The following INPP4B variants were observed in gnomAD, a reference collection of about 807,000 sequenced individuals.
The protein encoded by INPP4B is inositol polyphosphate 4-phosphatase type II.
Under a neutral mutation model 122.5 loss-of-function variants are expected in INPP4B, and 55 were observed. The observed-to-expected ratio is 0.45, with a 90% CI of 0.36 to 0.56. The LOEUF is 0.56. Among genes scored for constraint, INPP4B ranks in the 20% least tolerant of loss-of-function variants. The probability of loss-of-function intolerance (pLI) is 0.00; values close to 1 mark genes in which losing one functional copy is unlikely to be tolerated. For missense variants in INPP4B, 1,000 were observed against 1,097.7 expected, an observed-to-expected ratio of 0.91 and a Z score of 1.26; for synonymous variants, 403 against 388.7, an observed-to-expected ratio of 1.04 and a Z score of -0.43.
intron 7 of INPP4B, among the ~76,000 whole-genome samples, chr4:142,356,458 C>A (rs986970588): frequency 6.6e-6 from 1 of 151,474 alleles, no homozygotes; most frequent in South Asian, 2.1e-4. Context: ...GCTTTCCATC[C>A]AGAACTCAAG....
At chr4:142,465,035 A>G (rs1158972305) in intron 2 of INPP4B, among the ~76,000 whole-genome samples, 1 of 152,220 alleles carries the variant, frequency 6.6e-6, no homozygotes. Flanking sequence ...ACAAAGGCCA[A>G]CATAGTCTCA....
intron 9 of INPP4B, among the ~76,000 whole-genome samples, chr4:142,298,519 T>C (rs1759838676): frequency 6.6e-6 from 1 of 151,730 alleles, no homozygotes. Context: ...ACCCTGTCTC[T>C]ACTAAAAATA....
chr4:142,310,365 C>T (rs1292112960), intron 8 of INPP4B, among the ~76,000 whole-genome samples: 1 of 151,598 alleles, frequency 6.6e-6, no homozygotes, highest in Admixed American at 6.6e-5. Context: ...TTTGCATATA[C>T]TGGGTTAAAT....
At chr4:142,615,969 T>A (rs932237222) in intron 2 of INPP4B, among the ~76,000 whole-genome samples, 1 of 152,084 alleles carries the variant, frequency 6.6e-6, no homozygotes, top group African/African-American at 2.4e-5. Context: ...ATACAAAATA[T>A]GAGACTTAAA....
At chr4:142,369,289 C>CA (rs898968659) in intron 7 of INPP4B, among the ~76,000 whole-genome samples, 3 of 151,940 alleles carry the variant, frequency 2.0e-5, no homozygotes, top group Non-Finnish European at 4.4e-5. Flanking sequence ...AGGATAAAAA[C>CA]AAAAAATTCC....
intron 9 of INPP4B, among the ~76,000 whole-genome samples, chr4:142,290,201 T>G (rs900139766): frequency 5.2e-4 from 59 of 114,242 alleles, no homozygotes; most frequent in Non-Finnish European, 7.6e-4. Flanking sequence ...CTTCCTTTTT[T>G]TTTTTTTTTT....
At chr4:142,213,897 G>A (rs573530299) in intron 12 of INPP4B, among the ~76,000 whole-genome samples, 4 of 152,202 alleles carry the variant, frequency 2.6e-5, no homozygotes, top group African/African-American at 9.6e-5. Context: ...GAGTCACAGG[G>A]AACTCTCGAG....
chr4:142,703,414 T>C (rs1762062691), intron 2 of INPP4B, among the ~76,000 whole-genome samples: 1 of 152,188 alleles, frequency 6.6e-6, no homozygotes, highest in African/African-American at 2.4e-5. Context: ...GAAGTACTAT[T>C]AAAGGAACAT....
At chr4:142,790,889 T>C (rs1018682448) in intron 1 of INPP4B, among the ~76,000 whole-genome samples, 1 of 151,940 alleles carries the variant, frequency 6.6e-6, no homozygotes, top group African/African-American at 2.4e-5. Context: ...CTCAAATGGG[T>C]GCACCGGTAA....
In INPP4B at chr4:142,606,775, G is replaced by A. The variant is rs567474323; in HGVS notation, c.-191+119064C>T. Reference sequence around the variant, plus strand: ...AAAAATACTAAAATCAATTTTCTCCGGACTCAGATCAAGTAAGAATCACTG... The same window carrying A: ...AAAAATACTAAAATCAATTTTCTCCAGACTCAGATCAAGTAAGAATCACTG... On this transcript the variant is annotated intron_variant, in intron 2 of 25. Transcript: ENST00000262992. 5.3e-5 allele frequency among the ~76,000 whole-genome samples: 8 copies of A among 151,904 alleles called. 1 individual carries two copies. Among genetic ancestry groups the A allele is most frequent in the African/African-American group, 9.6e-5 (4 of 41,502 alleles).
At chr4:142,267,650 A>T (rs545207404) in intron 10 of INPP4B, among the ~76,000 whole-genome samples, 7 of 152,186 alleles carry the variant, frequency 4.6e-5, no homozygotes, top group Non-Finnish European at 1.0e-4. Context: ...GCTCCATGAC[A>T]TTGTTCTGGG....
chr4:142,654,820 T>C (rs961105936), intron 2 of INPP4B: 5 of 152,198 alleles, frequency 3.3e-5, no homozygotes, highest in African/African-American at 1.2e-4. Context: ...GTGGTTAAAA[T>C]AGTAAATAAG....
chr4:142,126,200 T>C (rs1270677633), intron 18 of INPP4B, among the ~76,000 whole-genome samples: 2 of 152,120 alleles, frequency 1.3e-5, no homozygotes, highest in African/African-American at 4.8e-5. Flanking sequence ...GGGTGACAAA[T>C]ACGATTTGAT....
intron 1 of INPP4B, among the ~76,000 whole-genome samples, chr4:142,741,310 T>C (rs1406412495): frequency 1.3e-5 from 2 of 151,938 alleles, no homozygotes; most frequent in African/African-American, 2.4e-5. Flanking sequence ...ACACATCACA[T>C]GGCAAGAGTG....
At chr4:142,617,661 T>C (rs1394050987) in intron 2 of INPP4B, among the ~76,000 whole-genome samples, 3 of 152,102 alleles carry the variant, frequency 2.0e-5, no homozygotes, top group African/African-American at 7.2e-5. Flanking sequence ...GCACTGTCTG[T>C]CTGCTTCCCA....
intron 2 of INPP4B, among the ~76,000 whole-genome samples, chr4:142,540,459 T>G (rs1301437921): frequency 6.6e-6 from 1 of 152,044 alleles, no homozygotes; most frequent in African/African-American, 2.4e-5. Flanking sequence ...GAACCTGAGT[T>G]AAAATATCTA....
At chr4:142,750,536 T>A (rs1490923347) in intron 1 of INPP4B, among the ~76,000 whole-genome samples, 2 of 152,072 alleles carry the variant, frequency 1.3e-5, no homozygotes, top group African/African-American at 4.8e-5. Flanking sequence ...TCACTCATAG[T>A]TTGTCATGAT....
intron 2 of INPP4B, among the ~76,000 whole-genome samples, chr4:142,655,531 A>C (rs1400236331): frequency 2.0e-5 from 3 of 152,210 alleles, no homozygotes; most frequent in Admixed American, 2.0e-4. Context: ...CTTTTCAGGC[A>C]CCTGAATGAA....
intron 23 of INPP4B, among the ~76,000 whole-genome samples, chr4:142,093,717 C>A (rs1260445931): frequency 6.6e-6 from 1 of 152,088 alleles, no homozygotes; most frequent in Non-Finnish European, 1.5e-5. Context: ...ACAGACAAAA[C>A]TCCACCAAAA....
Sources: gnomAD v4.1 joint callset for allele counts (sites outside exome capture counted in the v4.1 genomes callset) on GRCh38, gnomAD v4.1.1 for gene constraint, MANE v1.5 for transcripts, NCBI Gene and HGNC (gene_info 2026-07-23, HGNC 2026-07-21) for gene names.